Variants in CCDC7 observed in about 807,000 individuals in gnomAD.
CCDC7 encodes coiled-coil domain containing 7, also known as coiled-coil domain-containing protein 7.
CCDC7 carries 183 observed loss-of-function variants against 196.9 expected under a neutral mutation model. The ratio of observed to expected loss-of-function variants is 0.93; its 90% confidence interval spans 0.82 to 1.05. CCDC7 has a LOEUF of 1.05. CCDC7 is among the 50% of genes least tolerant of loss of function. The probability of loss-of-function intolerance (pLI) is 0.00; values close to 1 mark genes in which losing one functional copy is unlikely to be tolerated. For synonymous variants in CCDC7, 525 were observed against 484.6 expected (o/e 1.08, Z -1.10); for missense variants, 1,540 against 1,482.2 (o/e 1.04, Z -0.64).
At chr10:32,466,033 T>C (rs1247152978) in intron 5 of CCDC7, among the ~76,000 whole-genome samples, 1 of 152,178 alleles carries the variant, frequency 6.6e-6, no homozygotes, top group Non-Finnish European at 1.5e-5. Flanking sequence ...CTACACCTTA[T>C]TGTTGGTTAC....
chr10:32,452,073 C>G lies in CCDC7; in HGVS notation c.279+152C>G, dbSNP rs900084355. 2.6e-6 allele frequency: 3 copies of G among 1,162,638 alleles called. No individual in the cohort carries two copies. In the African/African-American group the frequency reaches 4.7e-5, roughly 18 times the overall value. The allele number at this position is 1,162,638 out of a possible 1,614,324, so 72.0% of individuals were successfully genotyped here. ...ACATGAGGTGAAATTAGGAGAAAAC[C>G]AGATCTAAGCTTGCAAGAGTCTTTT... On this transcript the variant is annotated intron_variant, in intron 1 of 41. Coordinates refer to ENST00000639629, the Ensembl canonical transcript of CCDC7.
intron 25 of CCDC7, 62 bp downstream of exon 26, chr10:32,711,792 C>G: frequency 2.1e-6 from 2 of 953,694 alleles, no homozygotes; most frequent in Middle Eastern, 3.1e-4. Context: ...GAACTTTTTT[C>G]TTTGGTTCAT....
chr10:32,475,878 T>C (rs868127573), intron 8 of CCDC7, among the ~76,000 whole-genome samples: 1 of 152,218 alleles, frequency 6.6e-6, no homozygotes, highest in Admixed American at 6.5e-5. Context: ...TTGATGTTGC[T>C]TCATTTAATA....
chr10:32,449,477 C>T (rs142952473), upstream of CCDC7, among the ~76,000 whole-genome samples: 7 of 152,242 alleles, frequency 4.6e-5, no homozygotes, highest in African/African-American at 1.7e-4. Flanking sequence ...TGAGCCAATG[C>T]GCCTGGCCTA....
intron 18 of CCDC7, among the ~76,000 whole-genome samples, chr10:32,611,274 T>G (rs957623916): frequency 6.6e-6 from 1 of 152,214 alleles, no homozygotes; most frequent in Non-Finnish European, 1.5e-5. Context: ...GGTTGTTTGT[T>G]TTTTTCTTGT....
chr10:32,769,352 T>C (rs11009075), intron 28 of CCDC7, among the ~76,000 whole-genome samples: 13,384 of 151,350 alleles, frequency 0.088, 853 homozygotes, highest in East Asian at 0.33. Context: ...TTCTTATGTC[T>C]CCTTTTTCAT....
In CCDC7 at chr10:32,862,045, A is replaced by T. The variant is rs546300714; in HGVS notation, c.4111+7556A>T. On this transcript the variant is annotated intron_variant, in intron 41 of 41. Coordinates refer to ENST00000639629, the Ensembl canonical transcript of CCDC7. ...AATCTAGAACTATAAATACCATTTG[A>T]CCCAGCAATCCCACTACTGGATATA... Among the ~76,000 whole-genome samples, 393 of 152,290 alleles carry T rather than the reference A, an allele frequency of 2.6e-3. 3 individuals are homozygous for T. Among genetic ancestry groups the T allele is most frequent in the Admixed American group, 4.6e-3 (70 of 15,284 alleles).
At chr10:32,523,774 G>T (rs1254602338) in intron 11 of CCDC7, among the ~76,000 whole-genome samples, 2 of 151,502 alleles carry the variant, frequency 1.3e-5, no homozygotes, top group Admixed American at 6.6e-5. Flanking sequence ...AATCTATTTT[G>T]TCTGGTATAA....
chr10:32,791,242 C>CT (rs977690760), intron 29 of CCDC7, among the ~76,000 whole-genome samples: 2 of 146,792 alleles, frequency 1.4e-5, no homozygotes, highest in African/African-American at 5.0e-5. Flanking sequence ...GCAAGTGAGT[C>CT]TTTTTCAAAA....
intron 11 of CCDC7, among the ~76,000 whole-genome samples, chr10:32,520,258 G>A (rs1263595894): frequency 6.6e-6 from 1 of 151,988 alleles, no homozygotes; most frequent in African/African-American, 2.4e-5. Context: ...TGGATTGTAT[G>A]GTAGCTCTAT....
intron 3 of CCDC7, among the ~76,000 whole-genome samples, chr10:32,462,393 C>G (rs2035925140): frequency 6.6e-6 from 1 of 152,160 alleles, no homozygotes; most frequent in Non-Finnish European, 1.5e-5. Flanking sequence ...CCGCTGCACT[C>G]AAGCCTGGGT....
intron 9 of CCDC7, chr10:32,511,888 C>A: frequency 1.6e-6 from 1 of 616,754 alleles, no homozygotes; most frequent in Non-Finnish European, 2.9e-6. Flanking sequence ...AAATTACATA[C>A]CAATAAAGTG....
intron 13 of CCDC7, among the ~76,000 whole-genome samples, chr10:32,558,522 C>T (rs1281259940): frequency 6.6e-6 from 1 of 152,072 alleles, no homozygotes; most frequent in African/African-American, 2.4e-5. Context: ...TTGAATTGTC[C>T]TGAACTCTGT....
At chr10:32,545,777 G>A (rs1465653351) in intron 13 of CCDC7, among the ~76,000 whole-genome samples, 2 of 151,930 alleles carry the variant, frequency 1.3e-5, no homozygotes, top group Non-Finnish European at 1.5e-5. Context: ...ATGGTGGCAC[G>A]TGCCTGCAGT....
intron 21 of CCDC7, among the ~76,000 whole-genome samples, chr10:32,673,488 A>G (rs2074392676): frequency 6.6e-6 from 1 of 152,016 alleles, no homozygotes; most frequent in East Asian, 1.9e-4. Flanking sequence ...CTTTCGAATA[A>G]GTGTATTGCT....
chr10:32,599,904 G>A (rs751828415), intron 18 of CCDC7, among the ~76,000 whole-genome samples: 1 of 152,028 alleles, frequency 6.6e-6, no homozygotes, highest in Non-Finnish European at 1.5e-5. Flanking sequence ...ATTGAATAGG[G>A]TGTCCTTTAA....
chr10:32,533,525 G>C (rs373692418), intron 11 of CCDC7, among the ~76,000 whole-genome samples: 1 of 151,708 alleles, frequency 6.6e-6, no homozygotes, highest in Non-Finnish European at 1.5e-5. Context: ...TATTTTGCAC[G>C]TTGGTGTTTT....
intron 41 of CCDC7, among the ~76,000 whole-genome samples, chr10:32,870,298 T>G (rs2094380961): frequency 6.6e-6 from 1 of 152,214 alleles, no homozygotes; most frequent in African/African-American, 2.4e-5. Flanking sequence ...TAGTTCTCCT[T>G]GAAGAGGTCC....
intron 18 of CCDC7, among the ~76,000 whole-genome samples, chr10:32,596,750 G>T (rs940294191): frequency 6.6e-6 from 1 of 152,120 alleles, no homozygotes; most frequent in African/African-American, 2.4e-5. Flanking sequence ...GCATTTGTTT[G>T]TCTGTAAAGT....
Sources: gnomAD v4.1 joint callset for allele counts (sites outside exome capture counted in the v4.1 genomes callset) on GRCh38, gnomAD v4.1.1 for gene constraint, MANE v1.5 for transcripts, NCBI Gene and HGNC (gene_info 2026-07-23, HGNC 2026-07-21) for gene names.